Variants in FBXL4 observed in about 807,000 individuals in gnomAD.
FBXL4 encodes F-box/LRR-repeat protein 4.
Under a neutral mutation model 58.9 loss-of-function variants are expected in FBXL4, and 40 were observed. The observed-to-expected ratio is 0.68, with a 90% CI of 0.53 to 0.88. The LOEUF is 0.88. Ranked by LOEUF, FBXL4 falls within the 40% of genes least tolerant of loss-of-function variation. The probability of loss-of-function intolerance (pLI) is 0.00; values close to 1 mark genes in which losing one functional copy is unlikely to be tolerated. For missense variants in FBXL4, 676 were observed against 734.4 expected, an observed-to-expected ratio of 0.92 and a Z score of 0.92; for synonymous variants, 263 against 265.5, an observed-to-expected ratio of 0.99 and a Z score of 0.09.
intron 6 of FBXL4, among the ~76,000 whole-genome samples, chr6:98,899,759 C>G (rs994461967): frequency 2.6e-4 from 39 of 151,750 alleles, no homozygotes; most frequent in Admixed American, 9.8e-4. Flanking sequence ...ATATTTTTCC[C>G]ACTTACCTAT....
Position 98,873,213 on chromosome 6 carries a change from T to C in FBXL4, c.*1065A>G, listed in dbSNP as rs1435707191. Reference sequence around the variant, plus strand: ...TATATATCTCTCTCTATATAATATATATAATTATATATATGTATATAATAT... The same window carrying C: ...TATATATCTCTCTCTATATAATATACATAATTATATATATGTATATAATAT... On this transcript the variant is annotated 3_prime_UTR_variant, in exon 10 of 10. Transcript: ENST00000369244. The C allele has an allele frequency of 6.8e-6, 1 of 147,614 alleles. No individual in the cohort carries two copies. Among genetic ancestry groups the C allele is most frequent in the African/African-American group, 2.5e-5 (1 of 40,626 alleles). The allele number at this position is 147,614 out of a possible 1,614,324, so 9.1% of individuals were successfully genotyped here.
At chr6:98,888,762 T>C (rs768132348) in intron 7 of FBXL4, among the ~76,000 whole-genome samples, 2 of 152,212 alleles carry the variant, frequency 1.3e-5, no homozygotes, top group Non-Finnish European at 2.9e-5. Flanking sequence ...GGCAAGGCAT[T>C]CACTAAGGAG....
chr6:98,924,113 A>C (rs1285137516), intron 4 of FBXL4, among the ~76,000 whole-genome samples: 1 of 152,192 alleles, frequency 6.6e-6, no homozygotes, highest in Non-Finnish European at 1.5e-5. Context: ...ATTTGTACTT[A>C]AAATTAGTTA....
intron 7 of FBXL4, among the ~76,000 whole-genome samples, chr6:98,888,918 C>T (rs1193837167): frequency 2.0e-5 from 3 of 152,210 alleles, no homozygotes; most frequent in Non-Finnish European, 4.4e-5. Flanking sequence ...TGTTCAGCAG[C>T]TTCAAAACCC....
chr6:98,927,612 T>C (rs1772840128), intron 3 of FBXL4, 93 bp downstream of exon 3: 1 of 152,394 alleles, frequency 6.6e-6, no homozygotes, highest in Admixed American at 6.5e-5. Context: ...CACAGATCAG[T>C]GTTTAATTTA....
chr6:98,872,613 T>G lies in FBXL4; in HGVS notation c.*1665A>C, dbSNP rs1299135785. ...TCGTGCAAATTTTATTTCTCTCTAG[T>G]TATTTAAGTATCTACATAACAATCT... is the stretch of plus-strand genomic sequence containing the variant. On this transcript the variant is annotated 3_prime_UTR_variant, in exon 10 of 10. Transcript: ENST00000369244. 1.3e-5 allele frequency: 2 copies of G among 152,180 alleles called. No individual in the cohort carries two copies. Among genetic ancestry groups the G allele is most frequent in the African/African-American group, 4.8e-5 (2 of 41,422 alleles). 9.4% of individuals were successfully genotyped at this position (152,180 alleles called of 1,614,324 possible). A position where few individuals can be genotyped will look rare whatever the true frequency, so the allele number is the denominator to read the frequency against.
chr6:98,902,006 G>A (rs556314943), intron 6 of FBXL4, among the ~76,000 whole-genome samples: 91 of 152,172 alleles, frequency 6.0e-4, no homozygotes, highest in African/African-American at 2.1e-3. Flanking sequence ...AAAGTAAATT[G>A]CTTATCATTA....
chr6:98,893,409 T>C (rs370058948), intron 7 of FBXL4, among the ~76,000 whole-genome samples: 3 of 151,854 alleles, frequency 2.0e-5, no homozygotes, highest in Non-Finnish European at 2.9e-5. Context: ...TCTTCTTCCA[T>C]TGTCTTCACA....
At position 98,927,754 on chromosome 6, in the gene FBXL4, TTC is replaced by T. The variant is rs1406815027; in HGVS notation, c.-124_-123del. ...CACATGGGAAATGCAAAAGTTGGCA[TTC>T]ATCCAGGTACCCTGAACTTTGCATG... On this transcript the variant is annotated 5_prime_UTR_variant, in exon 3 of 10. It removes an upstream start codon present in the reference 5' UTR. Transcript: ENST00000369244. 2 of 152,236 alleles carry T rather than the reference TTC, an allele frequency of 1.3e-5. No individual in the cohort carries two copies. Among genetic ancestry groups the T allele is most frequent in the African/African-American group, 4.8e-5 (2 of 41,462 alleles). 9.4% of individuals were successfully genotyped at this position (152,236 alleles called of 1,614,324 possible). A position where few individuals can be genotyped will look rare whatever the true frequency, so the allele number is the denominator to read the frequency against.
chr6:98,882,210 C>A (rs1446561342), intron 7 of FBXL4, among the ~76,000 whole-genome samples: 2 of 152,006 alleles, frequency 1.3e-5, no homozygotes, highest in Non-Finnish European at 2.9e-5. Context: ...CATGTAGCCA[C>A]CACTCAGTTT....
At chr6:98,912,063 A>G (rs1252350355) in intron 5 of FBXL4, among the ~76,000 whole-genome samples, 1 of 152,254 alleles carries the variant, frequency 6.6e-6, no homozygotes, top group African/African-American at 2.4e-5. Flanking sequence ...ATCAACTGGA[A>G]GAAAGGTTAT....
rs1397155923 is a variant in FBXL4, at chr6:98,871,472, A to G, written c.*2806T>C. On this transcript the variant is annotated 3_prime_UTR_variant, in exon 10 of 10. Coordinates refer to ENST00000369244, the MANE Select transcript of FBXL4 (RefSeq NM_001278716.2). ...CTGTGTGGCACAATTACAAGCATGA[A>G]TATTTTATAAGAAGAAAACACAAAT... 6.6e-6 allele frequency: 1 copy of G among 152,220 alleles called. No homozygotes were observed. Among genetic ancestry groups the G allele is most frequent in the Non-Finnish European group, 1.5e-5 (1 of 68,042 alleles). The allele number at this position is 152,220 out of a possible 1,614,324, so 9.4% of individuals were successfully genotyped here. A position where few individuals can be genotyped will look rare whatever the true frequency, so the allele number is the denominator to read the frequency against.
chr6:98,940,700 A>T (rs1773401386), intron 1 of FBXL4, among the ~76,000 whole-genome samples: 1 of 151,878 alleles, frequency 6.6e-6, no homozygotes, highest in African/African-American at 2.4e-5. Flanking sequence ...TGTTAGACAG[A>T]TGTTTTTGCA....
In FBXL4 at chr6:98,872,924, A is replaced by T. The variant is rs1770531716; in HGVS notation, c.*1354T>A. 6.6e-6 allele frequency: 1 copy of T among 152,182 alleles called. No homozygotes were observed. Among genetic ancestry groups the T allele is most frequent in the Admixed American group, 6.5e-5 (1 of 15,268 alleles). 9.4% of individuals were successfully genotyped at this position (152,182 alleles called of 1,614,324 possible). On this transcript the variant is annotated 3_prime_UTR_variant, in exon 10 of 10. Coordinates refer to ENST00000369244, the MANE Select transcript of FBXL4 (RefSeq NM_001278716.2). ...TCTTACAGGGTTGTTGTGAGAATTG[A>T]ATTAGTCAATGCAAAGCACAAGAAA...
chr6:98,915,958 T>C (rs1450006656), intron 5 of FBXL4, among the ~76,000 whole-genome samples: 1 of 151,878 alleles, frequency 6.6e-6, no homozygotes, highest in African/African-American at 2.4e-5. Context: ...TACAATGAAC[T>C]CAAACAAATT....
intron 1 of FBXL4, among the ~76,000 whole-genome samples, chr6:98,942,440 T>TG (rs1773467252): frequency 6.6e-6 from 1 of 152,122 alleles, no homozygotes; most frequent in Admixed American, 6.5e-5. Context: ...GATTGGATCA[T>TG]GGGGGTGGTT....
intron 5 of FBXL4, among the ~76,000 whole-genome samples, chr6:98,913,331 A>G (rs1772180332): frequency 1.3e-5 from 2 of 152,146 alleles, no homozygotes; most frequent in African/African-American, 4.8e-5. Flanking sequence ...CGGACCTAAT[A>G]GACATCTACA....
intron 8 of FBXL4, among the ~76,000 whole-genome samples, chr6:98,877,104 G>A (rs185434388): frequency 1.8e-4 from 28 of 152,186 alleles, no homozygotes; most frequent in African/African-American, 5.8e-4. Flanking sequence ...GAAGAAATCC[G>A]ACAGATTTGG....
At chr6:98,918,959 C>T (rs923387766) in intron 4 of FBXL4, among the ~76,000 whole-genome samples, 19 of 151,738 alleles carry the variant, frequency 1.3e-4, no homozygotes, top group Admixed American at 3.9e-4. Context: ...AGATTTTTTT[C>T]CACCAATAAA....
Sources: allele counts gnomAD v4.1 joint callset (sites outside exome capture counted in the v4.1 genomes callset), GRCh38; gene constraint gnomAD v4.1.1; transcripts MANE v1.5; gene names NCBI Gene and HGNC (gene_info 2026-07-23, HGNC 2026-07-21).